RBFOX3: variants seen among roughly 807,000 people sequenced by gnomAD.
The protein encoded by RBFOX3 is RNA binding protein fox-1 homolog 3.
A neutral mutation model predicts 48.7 loss-of-function variants in RBFOX3; 17 were observed. The ratio of observed to expected loss-of-function variants is 0.35; its 90% CI spans 0.24 to 0.52. The LOEUF is 0.52. RBFOX3 is among the 20% of genes least tolerant of loss of function. RBFOX3 has a pLI of 0.94. For synonymous variants in RBFOX3, 212 were observed against 209.5 expected (o/e 1.01, Z -0.10); for missense variants, 382 against 497.5 (o/e 0.77, Z 2.21).
At chr17:79,610,415 T>G (rs1271319326) in intron 1 of RBFOX3, among the ~76,000 whole-genome samples, 5 of 151,246 alleles carry the variant, frequency 3.3e-5, no homozygotes, top group African/African-American at 1.2e-4. Flanking sequence ...CGCCGGGGAG[T>G]TCCCCGCGCC....
intron 2 of RBFOX3, among the ~76,000 whole-genome samples, chr17:79,465,458 G>T (rs1440265141): frequency 6.6e-6 from 1 of 152,168 alleles, no homozygotes; most frequent in South Asian, 2.1e-4. Context: ...GCGAACAGAT[G>T]GCAGCGTGGG....
chr17:79,312,407 G>A (rs1458113838), intron 2 of RBFOX3, among the ~76,000 whole-genome samples: 1 of 152,156 alleles, frequency 6.6e-6, no homozygotes, highest in East Asian at 1.9e-4. Flanking sequence ...TGTGGTCTGA[G>A]CACTTTTGAT....
In RBFOX3 at chr17:79,096,792, G is replaced by A. The variant is rs1425365608; in HGVS notation, c.797C>T (p.Ala266Val). The stretch of plus-strand genomic sequence containing the variant: ...AGGGAGGGGGCACGGTGCCAGCCCC[G>A]CCCATGGGACTGGCATTTTAACAAG... ...QTLVKMPVPW[A>V]GLAPCPLPPQ... The change falls in exon 12 of 15, where the codon GCG becomes GTG. Residue 266 changes from alanine to valine, a missense_variant. By Grantham distance (64) the Ala-to-Val change is moderately conservative (BLOSUM62 0). This residue lies in a region of RBFOX3 where 215 missense variants were observed against 254.8 expected (regional missense o/e 0.84). Transcript: ENST00000693108. 4.8e-6 allele frequency: 5 copies of A among 1,045,464 alleles called. No homozygotes were observed. Among genetic ancestry groups the A allele is most frequent in the East Asian group, 2.6e-5 (1 of 38,650 alleles). The allele number at this position is 1,045,464 out of a possible 1,614,324, so 64.8% of individuals were successfully genotyped here.
At chr17:79,448,052 G>A (rs144640364) in intron 2 of RBFOX3, among the ~76,000 whole-genome samples, 23 of 152,254 alleles carry the variant, frequency 1.5e-4, no homozygotes, top group African/African-American at 4.8e-4. Flanking sequence ...CGCCATGATT[G>A]GAAGTTTCCT....
rs994575825 is a variant in RBFOX3 at position 79,362,484 on chromosome 17, G to A, written c.-174-54660C>T. Among the ~76,000 whole-genome samples, 2 of 152,222 alleles carry A rather than the reference G, an allele frequency of 1.3e-5. No homozygotes were observed. Among genetic ancestry groups the A allele is most frequent in the African/African-American group, 4.8e-5 (2 of 41,452 alleles). On this transcript the variant is annotated intron_variant, in intron 2 of 14. Transcript: ENST00000693108. This position sits in a 1 kb window ranked among gnomAD's most constrained non-coding sequence, Gnocchi z 4.2. ...TGGGCGTGGAAGGCCACCTGCGCTG[G>A]GCCTGGATGGCACTAGGCTGAGGGG...
chr17:79,512,395 C>T (rs1337127826), intron 1 of RBFOX3, among the ~76,000 whole-genome samples: 1 of 117,140 alleles, frequency 8.5e-6, no homozygotes, highest in South Asian at 3.2e-4. Flanking sequence ...CCATCGGGTA[C>T]AGCCCCATAG....
chr17:79,200,405 G>A (rs374289808), intron 4 of RBFOX3, among the ~76,000 whole-genome samples: 1 of 152,336 alleles, frequency 6.6e-6, no homozygotes, highest in South Asian at 2.1e-4. Context: ...TGTCACTCAG[G>A]TGTCCCACCT....
rs182182436 is a variant in RBFOX3, at chr17:79,438,560, G to A, written c.-175+43894C>T. Among the ~76,000 whole-genome samples the A allele has an allele frequency of 3.5e-4, 53 of 152,350 alleles. No homozygotes were observed. In the East Asian group the frequency reaches 8.9e-3, roughly 26 times the overall value. On this transcript the variant is annotated intron_variant, in intron 2 of 14. Transcript: ENST00000693108. ...CTCACGATAGCGGGGCAGCCAGGCT[G>A]CACAGCAGTGGGCTCCTTTCTCTGG...
chr17:79,263,885 G>A (rs372178064), intron 3 of RBFOX3, among the ~76,000 whole-genome samples: 2 of 152,084 alleles, frequency 1.3e-5, no homozygotes, highest in East Asian at 3.9e-4. Context: ...GATAAAATGA[G>A]ATCATCCTAG....
intron 4 of RBFOX3, among the ~76,000 whole-genome samples, chr17:79,168,585 G>A (rs531505891): frequency 4.5e-4 from 68 of 152,316 alleles, no homozygotes; most frequent in African/African-American, 1.5e-3. Context: ...GGAAACTGAG[G>A]CTCTGAGGGG....
chr17:79,461,866 G>A (rs2075411228), intron 2 of RBFOX3, among the ~76,000 whole-genome samples: 1 of 151,666 alleles, frequency 6.6e-6, no homozygotes, highest in Non-Finnish European at 1.5e-5. Context: ...CACAGGCTGA[G>A]GAACGCCATG....
At chr17:79,091,927 G>A (rs1346894868) in intron 14 of RBFOX3, 1 of 981,914 alleles carries the variant, frequency 1.0e-6, no homozygotes, top group Non-Finnish European at 1.2e-6. Context: ...CGACACGCTT[G>A]TGACTACGTC....
At chr17:79,605,246 G>A (rs896337933) in intron 1 of RBFOX3, among the ~76,000 whole-genome samples, 64 of 152,302 alleles carry the variant, frequency 4.2e-4, no homozygotes, top group African/African-American at 1.3e-3. Context: ...TTGGCACACA[G>A]GATTCTCCGC....
At chr17:79,142,745 C>T (rs921618775) in intron 4 of RBFOX3, among the ~76,000 whole-genome samples, 3 of 152,122 alleles carry the variant, frequency 2.0e-5, no homozygotes, top group East Asian at 1.9e-4. Context: ...GGGGCTCTTA[C>T]GAAGTTGTTG....
chr17:79,188,527 T>C (rs8072885), intron 4 of RBFOX3, among the ~76,000 whole-genome samples: 15,011 of 152,132 alleles, frequency 0.099, 764 homozygotes, highest in South Asian at 0.12. Flanking sequence ...AAGGGCACAC[T>C]TGAGATATAT....
rs1359132554 is a variant in RBFOX3, at chr17:79,097,612, G to A, written c.622+80C>T. Reference sequence around the variant, plus strand: ...CGGCCCACCTGGCCCCGCCCCTCATGCCCCGCCCCCAGAGCCCCCGGAGCC... The same window carrying A: ...CGGCCCACCTGGCCCCGCCCCTCATACCCCGCCCCCAGAGCCCCCGGAGCC... On this transcript the variant is annotated intron_variant, in intron 10 of 14. Transcript: ENST00000693108. 1.1e-4 allele frequency: 76 copies of A among 695,136 alleles called. 1 individual carries two copies. The East Asian group carries it at 3.3e-3, about 30-fold the overall frequency. 43.1% of individuals were successfully genotyped at this position (695,136 alleles called of 1,614,324 possible). A position where few individuals can be genotyped will look rare whatever the true frequency, so the allele number is the denominator to read the frequency against.
intron 2 of RBFOX3, among the ~76,000 whole-genome samples, chr17:79,309,999 C>T (rs374523212): frequency 5.9e-5 from 9 of 152,186 alleles, no homozygotes; most frequent in African/African-American, 4.8e-5. Context: ...TTGTGCACAA[C>T]GCCCTAAAAC....
chr17:79,439,741 T>C (rs934994526), intron 2 of RBFOX3, among the ~76,000 whole-genome samples: 5 of 152,216 alleles, frequency 3.3e-5, no homozygotes, highest in Non-Finnish European at 5.9e-5. Flanking sequence ...ACCGTGCATA[T>C]GCACATGTGT....
chr17:79,093,392 C>G (rs902345027), intron 14 of RBFOX3, among the ~76,000 whole-genome samples: 1 of 152,144 alleles, frequency 6.6e-6, no homozygotes, highest in African/African-American at 2.4e-5. Context: ...AGGGAACCCT[C>G]CGTGCGTTAA....
Sources: gnomAD v4.1 joint callset for allele counts (sites outside exome capture counted in the v4.1 genomes callset) on GRCh38, gnomAD v4.1.1 for gene constraint, gnomAD v4.1.1 regional missense constraint, Gnocchi (gnomAD v3.1) non-coding constraint, MANE v1.5 for transcripts, NCBI Gene and HGNC (gene_info 2026-07-23, HGNC 2026-07-21) for gene names.